S100A13: variants seen among roughly 807,000 people sequenced by gnomAD.
S100A13 encodes protein S100-A13.
S100A13 carries 6 observed loss-of-function variants against 8.2 expected under a neutral mutation model. The ratio of observed to expected loss-of-function variants is 0.73; its 90% CI spans 0.40 to 1.44. The LOEUF is 1.44. Among genes scored for constraint, S100A13 ranks in the 40% most tolerant of loss-of-function variants. The probability of loss-of-function intolerance (pLI) is 0.02; values close to 1 mark genes in which losing one functional copy is unlikely to be tolerated. For synonymous variants in S100A13, 39 were observed against 45.9 expected, an observed-to-expected ratio of 0.85 and a Z score of 0.61; for missense variants, 114 against 113.6, an observed-to-expected ratio of 1.00 and a Z score of -0.02.
chr1:153,619,135 T>C, intron 2 of S100A13, 97 bp from the exon 3 acceptor site: 1 of 1,136,316 alleles, frequency 8.8e-7, no homozygotes, highest in Non-Finnish European at 1.3e-6. Context: ...TCAAGGCCCT[T>C]CCCTCAGAGA....
chr1:153,625,763 C>T (rs1667576322), intron 2 of S100A13, among the ~76,000 whole-genome samples: 1 of 152,208 alleles, frequency 6.6e-6, no homozygotes, highest in African/African-American at 2.4e-5. Context: ...ACACAAGAAC[C>T]CAACAGCATC....
chr1:153,630,378 A>C (rs978265447), upstream of S100A13: 16 of 1,130,838 alleles, frequency 1.4e-5, no homozygotes, highest in African/African-American at 2.2e-4. Context: ...GGGAAAGATC[A>C]ATTGCAGTAG....
upstream of S100A13, chr1:153,628,060 T>C: frequency 6.5e-7 from 1 of 1,550,320 alleles, no homozygotes; most frequent in Non-Finnish European, 8.7e-7. Flanking sequence ...GAGGGTCCTC[T>C]CAGTGAGGCC....
upstream of S100A13, chr1:153,629,423 C>CCCCCTAG (rs1667877939): frequency 6.6e-6 from 1 of 152,208 alleles, no homozygotes; most frequent in East Asian, 1.9e-4. Context: ...CATTGTCCAG[C>CCCCCTAG]CCCCTAGGCC....
intron 1 of S100A13, chr1:153,626,845 G>GA (rs1246055668): frequency 5.8e-6 from 1 of 172,154 alleles, no homozygotes. Context: ...CCCTCTACTT[G>GA]AGAGGAGGTC....
chr1:153,627,997 T>C, upstream of S100A13: 1 of 1,542,906 alleles, frequency 6.5e-7, no homozygotes, highest in Non-Finnish European at 8.8e-7. Flanking sequence ...AGAAGAGTCC[T>C]GGATTGAAAT....
upstream of S100A13, chr1:153,632,296 C>T (rs1193025156): frequency 1.7e-5 from 2 of 115,882 alleles, no homozygotes; most frequent in African/African-American, 7.0e-5. Context: ...TTTGGAGACA[C>T]AGTCTGGCTC....
At chr1:153,630,542 G>C, upstream of S100A13, 1 of 1,614,228 alleles carries the variant, frequency 6.2e-7, no homozygotes. Flanking sequence ...AGCTGGAGAC[G>C]GCGATGGAGA....
At chr1:153,625,267 T>A (rs1368489571) in intron 2 of S100A13, among the ~76,000 whole-genome samples, 1 of 152,092 alleles carries the variant, frequency 6.6e-6, no homozygotes, top group African/African-American at 2.4e-5. Flanking sequence ...TTGTAGGGGA[T>A]TTTGCAGATG....
upstream of S100A13, among the ~76,000 whole-genome samples, chr1:153,632,415 G>A (rs534954832): frequency 2.0e-5 from 3 of 151,866 alleles, no homozygotes; most frequent in East Asian, 1.9e-4. Context: ...GGGACTACAG[G>A]CGCCTGCCAC....
chr1:153,628,091 A>C (rs1667778778), upstream of S100A13: 1 of 1,550,274 alleles, frequency 6.5e-7, no homozygotes, highest in Non-Finnish European at 8.7e-7. Context: ...GCCACAGACT[A>C]AGACCCCCTC....
At chr1:153,622,042 A>T (rs941231059) in intron 2 of S100A13, among the ~76,000 whole-genome samples, 1 of 152,026 alleles carries the variant, frequency 6.6e-6, no homozygotes, top group East Asian at 1.9e-4. Flanking sequence ...AAACTGGTAC[A>T]ACTTTTTTAG....
upstream of S100A13, chr1:153,633,902 A>G (rs921378858): frequency 4.6e-5 from 7 of 152,200 alleles, no homozygotes; most frequent in African/African-American, 1.4e-4. Context: ...CCACGCCCCT[A>G]GGGGCGGGGC....
rs1667620025 is a variant in S100A13 at position 153,626,326 on chromosome 1, C to T, written c.147G>A (p.Leu49=). ...KELVTQQLPH[L]LKDVGSLDEK... ...GTCCCAGACTTCTGCCTACCTTGAG[C>T]AGATGGGGCAACTGCTGGGTAACCA... is the stretch of plus-strand genomic sequence containing the variant. Residue 49 remains leucine (L), a synonymous_variant, in exon 2 of 3, where the codon CTG becomes CTA. Coordinates refer to ENST00000476133, the MANE Select transcript of S100A13 (RefSeq NM_001024211.2). 2 of 1,613,926 alleles carry T rather than the reference C, an allele frequency of 1.2e-6. No homozygotes were observed. The highest frequency in any genetic ancestry group is 1.3e-5 in the African/African-American group (1 of 74,942).
At chr1:153,619,099 G>A in intron 2 of S100A13, 61 bp from the exon 3 acceptor site, 1 of 1,455,674 alleles carries the variant, frequency 6.9e-7, no homozygotes, top group Non-Finnish European at 9.5e-7. Context: ...AAAGTAGGGA[G>A]GGAAGAACTG....
rs1667633699 is a variant in S100A13, at chr1:153,626,418, TG to T, written c.54del (p.Thr19ProfsTer42). On this transcript the variant is annotated frameshift_variant, in exon 2 of 3. Coordinates refer to ENST00000476133, the MANE Select transcript of S100A13 (RefSeq NM_001024211.2). LOFTEE classifies it high-confidence loss of function. ...ELEESIETVV[T>X]TFFTFARQEG... ...TCCTGCCTTGCAAAGGTGAAGAAGG[TG>T]GTGACCACGGTCTCAATGGACTCCT... is the stretch of plus-strand genomic sequence containing the variant. The T allele has an allele frequency of 6.2e-7, 1 of 1,614,066 alleles. No homozygotes were observed. Among genetic ancestry groups the T allele is most frequent in the Non-Finnish European group, 8.5e-7 (1 of 1,180,048 alleles).
upstream of S100A13, chr1:153,628,340 C>T (rs1442613816): frequency 1.4e-5 from 21 of 1,531,140 alleles, no homozygotes; most frequent in East Asian, 7.4e-5. Context: ...TGGCCCCTTG[C>T]CCCACAGGGT....
chr1:153,632,532 A>C (rs1265360136), upstream of S100A13, among the ~76,000 whole-genome samples: 1 of 151,990 alleles, frequency 6.6e-6, no homozygotes, highest in Non-Finnish European at 1.5e-5. Flanking sequence ...CGGCCTCCCA[A>C]AGTGCTGAGA....
intron 2 of S100A13, among the ~76,000 whole-genome samples, chr1:153,624,827 C>T (rs1571288467): frequency 6.6e-6 from 1 of 152,142 alleles, no homozygotes; most frequent in African/African-American, 2.4e-5. Flanking sequence ...GTAATTCCAG[C>T]ACTTTGAGAG....
Sources: allele counts gnomAD v4.1 joint callset (sites outside exome capture counted in the v4.1 genomes callset), GRCh38; gene constraint gnomAD v4.1.1; transcripts MANE v1.5; gene names NCBI Gene and HGNC (gene_info 2026-07-23, HGNC 2026-07-21).